The following R3HDM1 variants were observed in gnomAD, a reference collection of about 807,000 sequenced individuals.
R3HDM1 encodes R3H domain-containing protein 1.
R3HDM1 carries 46 observed loss-of-function variants against 141.1 expected under a neutral mutation model. The ratio of observed to expected loss-of-function variants is 0.33; its 90% CI spans 0.26 to 0.42. R3HDM1 has a LOEUF of 0.42. R3HDM1 is among the 10% of genes least tolerant of loss of function. The pLI is 1.00. For missense variants in R3HDM1, 1,184 were observed against 1,368.3 expected, an observed-to-expected ratio of 0.87 and a Z score of 2.12; for synonymous variants, 435 against 472.9, an observed-to-expected ratio of 0.92 and a Z score of 1.04.
In R3HDM1 at chr2:135,617,139, C is replaced by T. The variant is rs185523475; in HGVS notation, c.303+382C>T. Among the ~76,000 whole-genome samples, 1,131 of 152,040 alleles carry T rather than the reference C, an allele frequency of 7.4e-3. 13 individuals are homozygous for T. The highest frequency in any genetic ancestry group is 0.025 in the African/African-American group (1,027 of 41,464). On this transcript the variant is annotated intron_variant, in intron 5 of 26. Coordinates refer to ENST00000683871, the MANE Select transcript of R3HDM1 (RefSeq NM_001378107.1). Reference sequence around the variant, plus strand: ...GAGATCGAGACCATCCTGGCTAACACGGTGAAACCCCATCTCTACTAAAAA... The same window carrying T: ...GAGATCGAGACCATCCTGGCTAACATGGTGAAACCCCATCTCTACTAAAAA...
chr2:135,675,494 G>A lies in R3HDM1; in HGVS notation c.2307+8G>A, dbSNP rs775504033. ...TCAGTGCCAACATATCAGGTATATTGTCTCTTTTATGTACTTTGGGTAGAG... is the reference window on the plus strand; with the variant it reads ...TCAGTGCCAACATATCAGGTATATTATCTCTTTTATGTACTTTGGGTAGAG... On this transcript the variant is annotated splice_region_variant and intron_variant, in intron 20 of 26. Transcript: ENST00000683871. 6.2e-7 allele frequency: 1 copy of A among 1,607,774 alleles called. No homozygotes were observed. The highest frequency in any genetic ancestry group is 1.1e-5 in the South Asian group (1 of 90,530).
At chr2:135,605,124 C>T in intron 3 of R3HDM1, 108 bp downstream of exon 3, 1 of 963,904 alleles carries the variant, frequency 1.0e-6, no homozygotes. Context: ...TAAGTTGACC[C>T]TTCGTGACAT....
chr2:135,580,441 TG>T (rs925614693), intron 1 of R3HDM1, among the ~76,000 whole-genome samples: 13 of 152,242 alleles, frequency 8.5e-5, no homozygotes, highest in African/African-American at 2.9e-4. Context: ...TGGTTTTTTT[TG>T]CAATATTATT....
chr2:135,576,631 C>A (rs756317009), intron 1 of R3HDM1, among the ~76,000 whole-genome samples: 1 of 152,038 alleles, frequency 6.6e-6, no homozygotes, highest in East Asian at 1.9e-4. Context: ...ATTGGATAAG[C>A]AGAGTGTGGT....
intron 21 of R3HDM1, among the ~76,000 whole-genome samples, chr2:135,708,143 T>C (rs2075169218): frequency 6.6e-6 from 1 of 152,234 alleles, no homozygotes; most frequent in Admixed American, 6.5e-5. Flanking sequence ...CCAGGCATCA[T>C]AGTATTTCAT....
chr2:135,604,540 T>C (rs559922120), intron 2 of R3HDM1, among the ~76,000 whole-genome samples: 1 of 152,348 alleles, frequency 6.6e-6, no homozygotes, highest in Non-Finnish European at 1.5e-5. Context: ...CAAGCAGTCA[T>C]CCTGCCTGAC....
At chr2:135,683,965 C>CATACATAA (rs1228688768) in intron 21 of R3HDM1, among the ~76,000 whole-genome samples, 1 of 151,472 alleles carries the variant, frequency 6.6e-6, no homozygotes, top group East Asian at 1.9e-4. Flanking sequence ...TACATACATA[C>CATACATAA]ATACATACAT....
intron 1 of R3HDM1, chr2:135,584,211 C>T (rs1707382635): frequency 1.9e-6 from 1 of 523,042 alleles, no homozygotes; most frequent in African/African-American, 2.1e-5. Flanking sequence ...TCCTGTAATC[C>T]CAGCTACTCG....
intron 3 of R3HDM1, among the ~76,000 whole-genome samples, chr2:135,609,258 A>T (rs1263379233): frequency 6.6e-6 from 1 of 152,140 alleles, no homozygotes; most frequent in Non-Finnish European, 1.5e-5. Context: ...TTCCACTTTT[A>T]AAAAATGTTG....
chr2:135,614,115 C>T (rs2060797415), intron 3 of R3HDM1, among the ~76,000 whole-genome samples: 1 of 152,220 alleles, frequency 6.6e-6, no homozygotes, highest in South Asian at 2.1e-4. Flanking sequence ...CAGCAGGAAC[C>T]TAAAACATGT....
intron 3 of R3HDM1, among the ~76,000 whole-genome samples, chr2:135,612,062 C>T (rs140804736): frequency 2.6e-5 from 4 of 152,066 alleles, no homozygotes; most frequent in South Asian, 2.1e-4. Context: ...CTTTATGGCT[C>T]GAAAGATTAA....
chr2:135,632,270 C>A (rs3213943), intron 9 of R3HDM1, among the ~76,000 whole-genome samples: 40,815 of 150,994 alleles, frequency 0.27, 6,414 homozygotes, highest in East Asian at 0.51. Context: ...TGTTTGACAA[C>A]CACTCTTAGG....
At chr2:135,706,518 C>T (rs1156638985) in intron 21 of R3HDM1, among the ~76,000 whole-genome samples, 3 of 151,908 alleles carry the variant, frequency 2.0e-5, no homozygotes, top group African/African-American at 7.3e-5. Flanking sequence ...GGCAGAGGAC[C>T]CTGCGGCCTT....
At chr2:135,704,211 C>T (rs947679326) in intron 21 of R3HDM1, among the ~76,000 whole-genome samples, 4 of 152,172 alleles carry the variant, frequency 2.6e-5, no homozygotes, top group Non-Finnish European at 2.9e-5. Flanking sequence ...AACTCTTGAC[C>T]TCAAGTGATC....
intron 1 of R3HDM1, among the ~76,000 whole-genome samples, chr2:135,555,314 G>C (rs1359120471): frequency 7.0e-6 from 1 of 142,840 alleles, no homozygotes; most frequent in Admixed American, 6.9e-5. Context: ...AAAAAAAAAA[G>C]TAAAATAGAT....
chr2:135,710,523 G>A (rs2075502155), intron 23 of R3HDM1, among the ~76,000 whole-genome samples: 1 of 152,054 alleles, frequency 6.6e-6, no homozygotes, highest in Admixed American at 6.6e-5. Flanking sequence ...TATGGTGGTA[G>A]CATGCATCCC....
chr2:135,710,089 T>C lies in R3HDM1; in HGVS notation c.2594T>C (p.Met865Thr). 6.2e-7 allele frequency: 1 copy of C among 1,613,948 alleles called. No individual in the cohort carries two copies. The change falls in exon 23 of 27, where the codon ATG becomes ACG. Residue 865 changes from methionine to threonine, a missense_variant. By Grantham distance (81) the Met-to-Thr change is moderately conservative. Transcript: ENST00000683871. ...AGPPPPPGGG[M>T]VMMQLSVPNN... ...CCACCACCGCCACCTGGTGGGGGGATGGTGATGATGCAGCTCAGTGTACCA... is the reference window on the plus strand; with the variant it reads ...CCACCACCGCCACCTGGTGGGGGGACGGTGATGATGCAGCTCAGTGTACCA...
At chr2:135,664,799 C>A (rs1377563737) in intron 19 of R3HDM1, among the ~76,000 whole-genome samples, 3 of 152,188 alleles carry the variant, frequency 2.0e-5, no homozygotes, top group Admixed American at 6.5e-5. Flanking sequence ...GAAACCCTGG[C>A]TACACACATA....
At chr2:135,675,581 A>C in intron 20 of R3HDM1, 95 bp downstream of exon 20, 3 of 1,264,846 alleles carry the variant, frequency 2.4e-6, no homozygotes, top group South Asian at 1.8e-5. Context: ...CTTTTAATAC[A>C]GGAAAAACAT....
Sources: gnomAD v4.1 joint callset for allele counts (sites outside exome capture counted in the v4.1 genomes callset) on GRCh38, gnomAD v4.1.1 for gene constraint, MANE v1.5 for transcripts, NCBI Gene and HGNC (gene_info 2026-07-23, HGNC 2026-07-21) for gene names.